HPD: variants seen among roughly 807,000 people sequenced by gnomAD.
The protein encoded by HPD is 4-hydroxyphenylpyruvate dioxygenase, also known as 4-hydroxyphenylpyruvic acid oxidase.
A neutral mutation model predicts 56.9 loss-of-function variants in HPD; 35 were observed. The observed-to-expected ratio is 0.62, with a 90% CI of 0.47 to 0.82. The LOEUF (loss-of-function observed/expected upper bound fraction) is 0.82. Ranked by LOEUF, HPD falls within the 40% of genes least tolerant of loss-of-function variation. The probability of loss-of-function intolerance (pLI) is 0.00; values close to 1 mark genes in which losing one functional copy is unlikely to be tolerated. For synonymous variants in HPD, 186 were observed against 200.2 expected (o/e 0.93, Z 0.60); for missense variants, 442 against 506.8 (o/e 0.87, Z 1.23).
chr12:121,857,162 C>A (rs915792686), intron 4 of HPD, 166 bp downstream of exon 4: 3 of 624,498 alleles, frequency 4.8e-6, no homozygotes, highest in Admixed American at 4.6e-5. Context: ...TCACTGCAAC[C>A]TCTGCCTCCC....
In HPD at chr12:121,847,016, C is replaced by T. The variant is rs538124953; in HGVS notation, c.759+36G>A. ...CCTACAAGAGCCCCCAGACCTCTTC[C>T]CTGCTCCCCTCTCCCCCAGCCAGGG... On this transcript the variant is annotated intron_variant, in intron 10 of 13. Coordinates refer to ENST00000289004, the MANE Select transcript of HPD (RefSeq NM_002150.3). 56 of 1,614,008 alleles carry T rather than the reference C, an allele frequency of 3.5e-5. 1 individual carries two copies. In the East Asian group the frequency reaches 1.0e-3, roughly 30 times the overall value.
the HPD span, among the ~76,000 whole-genome samples, chr12:121,878,494 G>A: frequency 2.0e-5 from 3 of 151,746 alleles, no homozygotes; most frequent in African/African-American, 4.8e-5. Flanking sequence ...GATTACAGGC[G>A]TACGCCACCA....
intron 11 of HPD, 32 bp from the exon 12 acceptor site, chr12:121,843,864 G>A (rs777367867): frequency 1.1e-5 from 18 of 1,613,716 alleles, no homozygotes; most frequent in Admixed American, 6.7e-5. Context: ...GTCAGCCTTC[G>A]GCCTCCAAGT....
chr12:121,877,117 T>C, the HPD span, among the ~76,000 whole-genome samples: 24 of 147,182 alleles, frequency 1.6e-4, no homozygotes, highest in African/African-American at 6.0e-4. Flanking sequence ...AAAAAAGAAC[T>C]GTTATGAGTC....
chr12:121,887,950 G>C, the HPD span, among the ~76,000 whole-genome samples: 2 of 152,156 alleles, frequency 1.3e-5, no homozygotes, highest in East Asian at 3.8e-4. Context: ...AGATATCAAA[G>C]TTGATTGTTT....
At chr12:121,880,169 A>G in the HPD span, among the ~76,000 whole-genome samples, 1 of 151,676 alleles carries the variant, frequency 6.6e-6, no homozygotes, top group South Asian at 2.1e-4. Context: ...AGAAAAAAAA[A>G]AAAAAAGAAA....
the HPD span, among the ~76,000 whole-genome samples, chr12:121,871,744 G>A: frequency 6.6e-6 from 1 of 152,070 alleles, no homozygotes; most frequent in Non-Finnish European, 1.5e-5. Flanking sequence ...TTGGTGGCAC[G>A]GGACATAGGA....
In HPD at chr12:121,851,885, A is replaced by AT. The variant is rs1291842213; in HGVS notation, c.415-2096dup. Among the ~76,000 whole-genome samples the AT allele has an allele frequency of 1.4e-3, 20 of 14,352 alleles. 6 individuals carry two copies. Among genetic ancestry groups the AT allele is most frequent in the South Asian group, 7.5e-3 (3 of 400 alleles). The allele number at this position is 14,352 out of a possible 152,430, so 9.4% of individuals were successfully genotyped here. A position where few individuals can be genotyped will look rare whatever the true frequency, so the allele number is the denominator to read the frequency against. ...CTACCACGCCCGGCTACTTTTTTGTATTTTTTTTTTTTTTTTTTTAGTAGA... is the reference window on the plus strand; with the variant it reads ...CTACCACGCCCGGCTACTTTTTTGTATTTTTTTTTTTTTTTTTTTTAGTAGA... On this transcript the variant is annotated intron_variant, in intron 7 of 13. Coordinates refer to ENST00000289004, the MANE Select transcript of HPD (RefSeq NM_002150.3).
intron 7 of HPD, among the ~76,000 whole-genome samples, chr12:121,850,692 CTTTT>C (rs1206546215): frequency 1.1e-5 from 1 of 91,644 alleles, no homozygotes; most frequent in Non-Finnish European, 2.1e-5. Context: ...TGTACCTAGC[CTTTT>C]TTTTTTTTTT....
chr12:121,842,093 T>C (rs1877427366), intron 12 of HPD, among the ~76,000 whole-genome samples: 1 of 151,846 alleles, frequency 6.6e-6, no homozygotes, highest in Admixed American at 6.6e-5. Context: ...CAGAGGGGGT[T>C]GGGAGGTGCT....
chr12:121,878,493 C>T, the HPD span, among the ~76,000 whole-genome samples: 36 of 152,230 alleles, frequency 2.4e-4, no homozygotes, highest in Non-Finnish European at 3.4e-4. Context: ...GGATTACAGG[C>T]GTACGCCACC....
chr12:121,883,200 G>A, the HPD span, among the ~76,000 whole-genome samples: 3 of 148,728 alleles, frequency 2.0e-5, no homozygotes, highest in Non-Finnish European at 4.5e-5. Context: ...GTGTGTGTGT[G>A]TGTGTGTGTG....
the HPD span, among the ~76,000 whole-genome samples, chr12:121,888,325 A>C: frequency 9.1e-4 from 138 of 152,312 alleles, no homozygotes; most frequent in Non-Finnish European, 1.1e-3. Flanking sequence ...GGCCCAGAGA[A>C]GCCAAGTAGT....
intron 12 of HPD, among the ~76,000 whole-genome samples, chr12:121,840,591 T>G (rs2137606839): frequency 6.6e-6 from 1 of 150,734 alleles, no homozygotes; most frequent in South Asian, 2.2e-4. Flanking sequence ...TGAGCCACCA[T>G]GACCTGCTGC....
chr12:121,868,681 C>T, the HPD span, among the ~76,000 whole-genome samples: 1 of 151,760 alleles, frequency 6.6e-6, no homozygotes. Flanking sequence ...CCCCCATGCC[C>T]AGCTAGTTTT....
chr12:121,858,619 C>T, intron 2 of HPD, 68 bp downstream of exon 2: 1 of 1,448,836 alleles, frequency 6.9e-7, no homozygotes, highest in Non-Finnish European at 9.7e-7. Context: ...GCTGAAACCC[C>T]AGTCTCCCTG....
At chr12:121,884,551 C>G in the HPD span, among the ~76,000 whole-genome samples, 1 of 152,086 alleles carries the variant, frequency 6.6e-6, no homozygotes, top group African/African-American at 2.4e-5. Context: ...AAGGGATCCT[C>G]CTGCCTTGAT....
intron 11 of HPD, among the ~76,000 whole-genome samples, chr12:121,845,991 C>A (rs911630421): frequency 3.3e-5 from 5 of 152,102 alleles, no homozygotes; most frequent in Non-Finnish European, 5.9e-5. Context: ...CCTTGAAATC[C>A]TTGGCTAAAT....
At chr12:121,863,300 T>G, upstream of HPD, among the ~76,000 whole-genome samples, 1 of 152,184 alleles carries the variant, frequency 6.6e-6, no homozygotes, top group Non-Finnish European at 1.5e-5. Flanking sequence ...GCATTTCTGG[T>G]GCTGATTCCT....
Sources: gnomAD v4.1 joint callset for allele counts (sites outside exome capture counted in the v4.1 genomes callset) on GRCh38, gnomAD v4.1.1 for gene constraint, MANE v1.5 for transcripts, NCBI Gene and HGNC (gene_info 2026-07-23, HGNC 2026-07-21) for gene names.